EXOSC1: variants seen among roughly 807,000 people sequenced by gnomAD.
EXOSC1 encodes the protein exosome component 1.
In EXOSC1, 27 loss-of-function variants were observed where a neutral mutation model predicts 31.4. The observed-to-expected ratio is 0.86, with a 90% confidence interval of 0.63 to 1.18. The LOEUF is 1.18. Among genes scored for constraint, EXOSC1 ranks in the 50% most tolerant of loss-of-function variants. EXOSC1 has a pLI of 0.00. For missense variants in EXOSC1, 228 were observed against 250.3 expected (o/e 0.91, Z 0.60); for synonymous variants, 84 against 89.5 (o/e 0.94, Z 0.35).
intron 3 of EXOSC1, 21 bp from the exon 4 acceptor site, chr10:97,441,280 C>G (rs778387660): frequency 6.2e-7 from 1 of 1,609,140 alleles, no homozygotes; most frequent in Non-Finnish European, 8.5e-7. Context: ...GAGAAAAGAT[C>G]AGCATCAGAG....
In EXOSC1 at chr10:97,436,310, C is replaced by T. The variant is rs544559760; in HGVS notation, c.*135G>A. On this transcript the variant is annotated 3_prime_UTR_variant, in exon 8 of 8. Coordinates refer to ENST00000370902, the MANE Select transcript of EXOSC1 (RefSeq NM_016046.5). Reference sequence around the variant, plus strand: ...CTGATAGGTTCACAGAAACATGTTCCATCTACAGCGTAAACTGGAAGATTT... The same window carrying T: ...CTGATAGGTTCACAGAAACATGTTCTATCTACAGCGTAAACTGGAAGATTT... 1 of 677,160 alleles carries T rather than the reference C, an allele frequency of 1.5e-6. No individual in the cohort carries two copies. The highest frequency in any genetic ancestry group is 2.6e-6 in the Non-Finnish European group (1 of 377,708). 41.9% of individuals were successfully genotyped at this position (677,160 alleles called of 1,614,324 possible).
chr10:97,436,394 T>C lies in EXOSC1; in HGVS notation c.*51A>G, dbSNP rs773023594. The C allele has an allele frequency of 7.6e-7, 1 of 1,320,820 alleles. No individual in the cohort carries two copies. The highest frequency in any genetic ancestry group is 1.1e-6 in the Non-Finnish European group (1 of 918,396). 81.8% of individuals were successfully genotyped at this position (1,320,820 alleles called of 1,614,324 possible). A position where few individuals can be genotyped will look rare whatever the true frequency, so the allele number is the denominator to read the frequency against. ...TTGAATAAAGACAGCAGCATCTTGG[T>C]GTTATACTCAGGAACAGCTTACCCC... On this transcript the variant is annotated 3_prime_UTR_variant, in exon 8 of 8. Transcript: ENST00000370902.
chr10:97,438,501 C>T (rs922399605), intron 5 of EXOSC1, among the ~76,000 whole-genome samples, 169 bp downstream of exon 5: 6 of 151,376 alleles, frequency 4.0e-5, no homozygotes, highest in African/African-American at 1.2e-4. Context: ...GACAGGGTCT[C>T]GCTATGTTGC....
Position 97,437,728 on chromosome 10 carries a change from C to A in EXOSC1, c.368G>T (p.Arg123Leu). The A allele has an allele frequency of 7.4e-6, 12 of 1,613,064 alleles. No homozygotes were observed. The highest frequency in any genetic ancestry group is 1.0e-5 in the Non-Finnish European group (12 of 1,179,372). The change falls in exon 6 of 8, where the codon CGC becomes CTC. Residue 123 changes from arginine (R) to leucine (L), a missense_variant. Transcript: ENST00000370902. ...TTTGGCCAAGACAATGTCACCTGGG[C>A]GGAAACTCTTATAAATTTCAACCTG... ...KDKVEIYKSF[R>L]PGDIVLAKVI...
intron 6 of EXOSC1, 107 bp downstream of exon 6, chr10:97,437,593 C>T: frequency 9.7e-7 from 1 of 1,027,554 alleles, no homozygotes; most frequent in Non-Finnish European, 1.5e-6. Flanking sequence ...GGTGATCCAC[C>T]CGCCCTGGCC....
At chr10:97,438,813 C>T (rs566084608) in intron 4 of EXOSC1, 110 bp from the exon 5 acceptor site, 39 of 822,698 alleles carry the variant, frequency 4.7e-5, no homozygotes, top group South Asian at 3.0e-4. Context: ...AGTACAGTGG[C>T]GCAATTTTGC....
intron 2 of EXOSC1, 140 bp from the exon 3 acceptor site, chr10:97,443,451 G>A (rs1845778793): frequency 1.4e-6 from 1 of 711,612 alleles, no homozygotes; most frequent in South Asian, 1.9e-5. Context: ...CAGAGCAGAA[G>A]GCCTTAGAAA....
chr10:97,440,510 A>T (rs984914401), intron 4 of EXOSC1, among the ~76,000 whole-genome samples: 9 of 143,954 alleles, frequency 6.3e-5, no homozygotes, highest in African/African-American at 2.1e-4. Context: ...CACCATGCCC[A>T]GCTAATTTTT....
chr10:97,441,019 G>A, intron 4 of EXOSC1, 152 bp downstream of exon 4: 1 of 560,626 alleles, frequency 1.8e-6, no homozygotes. Flanking sequence ...GTATTTTTTG[G>A]ATACTACTAG....
In EXOSC1 at chr10:97,437,741, A is replaced by G. The variant is rs1845588390; in HGVS notation, c.355T>C (p.Tyr119His). 6.2e-7 allele frequency: 1 copy of G among 1,613,038 alleles called. No individual in the cohort carries two copies. Among genetic ancestry groups the G allele is most frequent in the African/African-American group, 1.3e-5 (1 of 74,898 alleles). ...RATEKDKVEI[Y>H]KSFRPGDIVL... ...ATGTCACCTGGGCGGAAACTCTTAT[A>G]AATTTCAACCTGTAAAGAAAGAACA... is the stretch of plus-strand genomic sequence containing the variant. The change falls in exon 6 of 8, where the codon TAT becomes CAT. Residue 119 changes from tyrosine to histidine, a missense_variant. Coordinates refer to ENST00000370902, the MANE Select transcript of EXOSC1 (RefSeq NM_016046.5).
intron 5 of EXOSC1, among the ~76,000 whole-genome samples, chr10:97,438,424 G>A (rs921898549): frequency 3.3e-5 from 5 of 151,730 alleles, no homozygotes; most frequent in African/African-American, 1.2e-4. Flanking sequence ...ATCCTCTCAA[G>A]CAGCTGGGAC....
chr10:97,442,190 A>C (rs1845741882), intron 3 of EXOSC1, among the ~76,000 whole-genome samples: 1 of 151,458 alleles, frequency 6.6e-6, no homozygotes, highest in Non-Finnish European at 1.5e-5. Context: ...AAAAAAAAAA[A>C]CAGGAATGGC....
Position 97,438,663 on chromosome 10 carries a change from C to G in EXOSC1, c.345+7G>C, listed in dbSNP as rs1037926012. ...AAGCCATTAAAAAAAAAGAACCAAC[C>G]AACAACCTTGTCTTTTTCAGTTGCT... On this transcript the variant is annotated splice_region_variant and intron_variant, in intron 5 of 7. Transcript: ENST00000370902. The G allele has an allele frequency of 1.2e-6, 2 of 1,611,322 alleles. No individual in the cohort carries two copies. The highest frequency in any genetic ancestry group is 1.1e-5 in the South Asian group (1 of 90,738).
chr10:97,443,664 A>AG (rs1206847420), intron 2 of EXOSC1: 1 of 181,632 alleles, frequency 5.5e-6, no homozygotes, highest in Non-Finnish European at 1.1e-5. Context: ...CTGGGACTAC[A>AG]GGCACCCGCC....
intron 7 of EXOSC1, 144 bp downstream of exon 7, chr10:97,437,047 A>G (rs1845559455): frequency 2.4e-6 from 2 of 819,084 alleles, no homozygotes; most frequent in African/African-American, 1.7e-5. Context: ...CCAAGCAAAA[A>G]AGAAAAAAAT....
chr10:97,445,611 G>T, intron 2 of EXOSC1, 121 bp downstream of exon 2: 1 of 840,764 alleles, frequency 1.2e-6, no homozygotes, highest in Non-Finnish European at 1.8e-6. Flanking sequence ...AAGAAACTAA[G>T]AGACCAACAT....
chr10:97,437,119 A>G, intron 7 of EXOSC1, 72 bp downstream of exon 7: 1 of 1,328,854 alleles, frequency 7.5e-7, no homozygotes, highest in Non-Finnish European at 1.1e-6. Context: ...AAGGGAAACC[A>G]GGAAAAACAA....
intron 7 of EXOSC1, among the ~76,000 whole-genome samples, 196 bp downstream of exon 7, chr10:97,436,995 G>C (rs903797434): frequency 6.6e-6 from 1 of 152,080 alleles, no homozygotes; most frequent in Admixed American, 6.6e-5. Flanking sequence ...CAGCCTCCTC[G>C]ACAAAGTGAG....
intron 4 of EXOSC1, among the ~76,000 whole-genome samples, chr10:97,440,515 AT>A (rs397846677): frequency 0.072 from 8,971 of 124,228 alleles, 308 homozygotes; most frequent in Middle Eastern, 0.15. Context: ...TGCCCAGCTA[AT>A]TTTTTTTTTT....
Sources: gnomAD v4.1 joint callset for allele counts (sites outside exome capture counted in the v4.1 genomes callset) on GRCh38, gnomAD v4.1.1 for gene constraint, MANE v1.5 for transcripts, NCBI Gene and HGNC (gene_info 2026-07-23, HGNC 2026-07-21) for gene names.